Variants in RDX observed in about 807,000 individuals in gnomAD.
RDX encodes deafness, autosomal recessive 24.
A neutral mutation model predicts 83.7 loss-of-function variants in RDX; 32 were observed. The ratio of observed to expected loss-of-function variants is 0.38; its 90% CI spans 0.29 to 0.51. The LOEUF (loss-of-function observed/expected upper bound fraction) is 0.51, where lower values mean the gene tolerates loss of function less well. RDX is among the 20% of genes least tolerant of loss of function. The pLI is 0.87. For missense variants in RDX, 600 were observed against 689.9 expected (o/e 0.87, Z 1.46); for synonymous variants, 229 against 222.7 (o/e 1.03, Z -0.25).
chr11:110,207,648 A>C (rs1172309638), intron 14 of RDX, among the ~76,000 whole-genome samples: 2 of 152,126 alleles, frequency 1.3e-5, no homozygotes, highest in African/African-American at 2.4e-5. Flanking sequence ...CAGAGGAAGA[A>C]TATTTTGTGA....
chr11:110,202,647 G>A (rs1863457692), intron 14 of RDX, among the ~76,000 whole-genome samples: 1 of 130,482 alleles, frequency 7.7e-6, no homozygotes, highest in Admixed American at 8.6e-5. Flanking sequence ...GTCTCACTAT[G>A]TTGCCCAGGC....
At chr11:110,269,046 TGGGTTTC>T (rs1479045847) in intron 3 of RDX, among the ~76,000 whole-genome samples, 7 of 151,846 alleles carry the variant, frequency 4.6e-5, no homozygotes, top group South Asian at 2.1e-4. Context: ...CTCTACCTCC[TGGGTTTC>T]AGCAGTTCTC....
At chr11:110,248,959 G>A (rs1179195838) in intron 9 of RDX, among the ~76,000 whole-genome samples, 1 of 152,132 alleles carries the variant, frequency 6.6e-6, no homozygotes, top group Non-Finnish European at 1.5e-5. Flanking sequence ...AATATCATCA[G>A]AGCTCAGTGG....
chr11:110,277,261 C>T (rs1355703210), intron 2 of RDX, among the ~76,000 whole-genome samples: 6 of 149,304 alleles, frequency 4.0e-5, no homozygotes, highest in East Asian at 2.0e-4. Flanking sequence ...ACAATAAAGT[C>T]GCAGCTGCTC....
At chr11:110,176,913 T>C (rs1300062021) in intron 15 of RDX, among the ~76,000 whole-genome samples, 1 of 152,194 alleles carries the variant, frequency 6.6e-6, no homozygotes. Context: ...TCTGCTGACC[T>C]GAAGGAACCA....
intron 15 of RDX, among the ~76,000 whole-genome samples, chr11:110,180,784 G>A (rs536266876): frequency 6.6e-6 from 1 of 151,746 alleles, no homozygotes; most frequent in African/African-American, 2.4e-5. Context: ...CAGGTGCTGC[G>A]TGGATCCTTC....
chr11:110,192,549 A>T (rs1863123205), intron 15 of RDX, among the ~76,000 whole-genome samples: 1 of 152,240 alleles, frequency 6.6e-6, no homozygotes, highest in Non-Finnish European at 1.5e-5. Context: ...TCTGCACAGC[A>T]AGAGAAACTA....
chr11:110,232,120 T>C (rs979808060), intron 13 of RDX, 87 bp from the exon 14 acceptor site: 7 of 1,036,944 alleles, frequency 6.8e-6, no homozygotes, highest in Non-Finnish European at 1.0e-5. Flanking sequence ...CAAAAATACA[T>C]ATACCAAATC....
At chr11:110,190,541 GA>G (rs1324355521) in intron 15 of RDX, among the ~76,000 whole-genome samples, 2 of 152,160 alleles carry the variant, frequency 1.3e-5, no homozygotes, top group African/African-American at 4.8e-5. Flanking sequence ...ACAGGAACTA[GA>G]AAAACAAGAA....
rs185578653 is a variant in RDX at position 110,222,674 on chromosome 11, T to C, written c.1748+9199A>G. On this transcript the variant is annotated intron_variant, in intron 14 of 15. Coordinates refer to the RDX transcript ENST00000528498. ...AGCCAGGCATGGTGGCGGACGCCTG[T>C]AGTCCCAGCTACTTGGGAGGCTGAG... Among the ~76,000 whole-genome samples the C allele has an allele frequency of 3.3e-5, 5 of 152,244 alleles. No homozygotes were observed. The East Asian group carries it at 7.7e-4, about 24-fold the overall frequency.
At chr11:110,274,150 ATCT>A (rs993949714) in intron 2 of RDX, among the ~76,000 whole-genome samples, 5 of 152,174 alleles carry the variant, frequency 3.3e-5, no homozygotes, top group African/African-American at 1.2e-4. Context: ...CTAAAACTGT[ATCT>A]TATTAAGAAA....
rs541888937 is a variant in RDX at position 110,288,936 on chromosome 11, G to A, written c.-65+7531C>T. On this transcript the variant is annotated intron_variant, in intron 1 of 13. Transcript: ENST00000645495. The stretch of plus-strand genomic sequence containing the variant: ...AAGAGAGAACCAACATGAACATGGG[G>A]AACAAAAAAAGCTCCTTACAGCTGG... Among the ~76,000 whole-genome samples, 23 of 151,974 alleles carry A rather than the reference G, an allele frequency of 1.5e-4. 2 individuals are homozygous for A. The South Asian group carries it at 4.0e-3, about 26-fold the overall frequency.
chr11:110,274,494 C>G (rs552317411), intron 2 of RDX, among the ~76,000 whole-genome samples: 1 of 152,112 alleles, frequency 6.6e-6, no homozygotes, highest in South Asian at 2.1e-4. Context: ...ATTCACTTTA[C>G]GAAAATTCAT....
chr11:110,296,405 C>G (rs1212617884), intron 1 of RDX, 62 bp downstream of exon 1: 2 of 151,596 alleles, frequency 1.3e-5, no homozygotes, highest in Non-Finnish European at 2.9e-5. Flanking sequence ...CGCGCCGCCA[C>G]CTTAGCGTCT....
chr11:110,244,363 CAAAAAAAAA>C (rs71053874), intron 10 of RDX, among the ~76,000 whole-genome samples: 11 of 51,312 alleles, frequency 2.1e-4, no homozygotes, highest in South Asian at 1.2e-3. Flanking sequence ...GATTCTGGCT[CAAAAAAAAA>C]AAAAAAAAAA....
At chr11:110,253,903 C>A (rs778384144) in intron 9 of RDX, 43 bp downstream of exon 9, 1 of 1,571,352 alleles carries the variant, frequency 6.4e-7, no homozygotes, top group East Asian at 2.2e-5. Context: ...TTTTAGATAG[C>A]CTACTCCTAT....
At chr11:110,243,579 G>A (rs1176977074) in intron 10 of RDX, among the ~76,000 whole-genome samples, 3 of 152,078 alleles carry the variant, frequency 2.0e-5, no homozygotes, top group African/African-American at 4.8e-5. Flanking sequence ...TTAGCCGAGC[G>A]TGGTGGTGCA....
intron 1 of RDX, among the ~76,000 whole-genome samples, chr11:110,283,999 C>T (rs903274115): frequency 7.9e-5 from 12 of 151,972 alleles, no homozygotes; most frequent in African/African-American, 2.2e-4. Flanking sequence ...ACAAAACTTA[C>T]GTTAAAAAAA....
chr11:110,264,437 T>C (rs919059242), intron 4 of RDX, among the ~76,000 whole-genome samples: 4 of 152,308 alleles, frequency 2.6e-5, no homozygotes, highest in African/African-American at 9.6e-5. Context: ...ATAACTCAGA[T>C]TCTAATAACC....
Sources: gnomAD v4.1 joint callset for allele counts (sites outside exome capture counted in the v4.1 genomes callset) on GRCh38, gnomAD v4.1.1 for gene constraint, MANE v1.5 for transcripts, NCBI Gene and HGNC (gene_info 2026-07-23, HGNC 2026-07-21) for gene names.